CACNA1G: variants seen among roughly 807,000 people sequenced by gnomAD.
CACNA1G encodes the protein calcium voltage-gated channel subunit alpha1 G, also known as voltage-dependent T-type calcium channel subunit alpha-1G.
A neutral mutation model predicts 219.4 loss-of-function variants in CACNA1G; 67 were observed. That is an observed-to-expected ratio of 0.31 (90% CI 0.25 to 0.37). The LOEUF is 0.37. Ranked by LOEUF, CACNA1G falls within the 10% of genes least tolerant of loss-of-function variation. The probability of loss-of-function intolerance (pLI) is 1.00; values close to 1 mark genes in which losing one functional copy is unlikely to be tolerated. For synonymous variants in CACNA1G, 1,296 were observed against 1,345.3 expected, an observed-to-expected ratio of 0.96 and a Z score of 0.80; for missense variants, 2,380 against 3,231.4, an observed-to-expected ratio of 0.74 and a Z score of 6.39.
In CACNA1G at chr17:50,581,958, A is replaced by G. The variant is rs1164550912; in HGVS notation, c.2301+3394A>G. Among the ~76,000 whole-genome samples, 3 of 152,038 alleles carry G rather than the reference A, an allele frequency of 2.0e-5. No individual in the cohort carries two copies. In the East Asian group the frequency reaches 5.8e-4, roughly 29 times the overall value. On this transcript the variant is annotated intron_variant, in intron 9 of 37. Coordinates refer to ENST00000359106, the MANE Select transcript of CACNA1G (RefSeq NM_018896.5). ...TGATCTGTAGCATTTGCCAATTTCC[A>G]TGGTGTAAATGCTCCCACCATAGCT... is the stretch of plus-strand genomic sequence containing the variant.
chr17:50,593,458 G>C (rs2044797518), intron 13 of CACNA1G, among the ~76,000 whole-genome samples: 1 of 152,252 alleles, frequency 6.6e-6, no homozygotes, highest in South Asian at 2.1e-4. Flanking sequence ...CAGTCTGGAG[G>C]TGCCCAGCAC....
At position 50,594,980 on chromosome 17, in the gene CACNA1G, C is replaced by G. The variant is rs1198983888; in HGVS notation, c.2911-13C>G. 1 of 1,551,974 alleles carries G rather than the reference C, an allele frequency of 6.4e-7. No homozygotes were observed. The highest frequency in any genetic ancestry group is 2.4e-5 in the East Asian group (1 of 41,064). ...GACCAGCAGCCCTCCCCTGCCTCCC[C>G]CTTTCCCTGTAGGAAATCAGCAAAC... On this transcript the variant is annotated splice_polypyrimidine_tract_variant and intron_variant, in intron 13 of 37. Transcript: ENST00000359106.
Position 50,624,092 on chromosome 17 carries a change from A to T in CACNA1G, c.6229+17A>T, listed in dbSNP as rs369968439. ...CTCAGTCAGGTACCAGGGCTAGAGC[A>T]GGCCAATTTGGCTCACACAGGGAGA... On this transcript the variant is annotated intron_variant, in intron 36 of 37. Transcript: ENST00000359106. 3.1e-6 allele frequency: 5 copies of T among 1,604,378 alleles called. No homozygotes were observed. The African/African-American group carries it at 6.7e-5, about 21-fold the overall frequency.
At chr17:50,590,820 C>T (rs1388477997) in intron 10 of CACNA1G, among the ~76,000 whole-genome samples, 198 bp downstream of exon 10, 1 of 152,154 alleles carries the variant, frequency 6.6e-6, no homozygotes, top group Non-Finnish European at 1.5e-5. Context: ...CTTGGCCCCA[C>T]CTTGCTCCTG....
rs1424207383 is a variant in CACNA1G, at chr17:50,624,511, G to A, written c.6381G>A (p.Gln2127=). 6.3e-7 allele frequency: 1 copy of A among 1,595,710 alleles called. No homozygotes were observed. The highest frequency in any genetic ancestry group is 8.5e-7 in the Non-Finnish European group (1 of 1,171,404). The part of the protein sequence containing the change: ...LPPPGRSPLA[Q]RPLRRQAAIR... Reference sequence around the variant, plus strand: ...CACCAGGACGCTCCCCTTTGGCTCAGAGGCCACTCAGGCGCCAGGTGAGCA... The same window carrying A: ...CACCAGGACGCTCCCCTTTGGCTCAAAGGCCACTCAGGCGCCAGGTGAGCA... The change falls in exon 37 of 38, where the codon CAG becomes CAA. Residue 2127 remains glutamine (Q), a synonymous_variant. Coordinates refer to ENST00000359106, the MANE Select transcript of CACNA1G (RefSeq NM_018896.5).
intron 10 of CACNA1G, 50 bp downstream of exon 10, chr17:50,590,672 G>C: frequency 6.3e-7 from 1 of 1,580,718 alleles, no homozygotes; most frequent in South Asian, 1.1e-5. Flanking sequence ...GGTAGCAGGG[G>C]TGGCTTGGGG....
chr17:50,576,399 G>T (rs2040662136), intron 8 of CACNA1G, 73 bp downstream of exon 8: 20 of 1,436,336 alleles, frequency 1.4e-5, no homozygotes, highest in East Asian at 2.5e-5. Context: ...GGGACTAGGG[G>T]GTCTGGAGTC....
At chr17:50,606,134 C>A in intron 23 of CACNA1G, 111 bp downstream of exon 23, 1 of 1,381,518 alleles carries the variant, frequency 7.2e-7, no homozygotes, top group Non-Finnish European at 1.0e-6. Context: ...ACGAAGAGAT[C>A]AGCCCTTCAC....
Position 50,569,314 on chromosome 17 carries a change from G to C in CACNA1G, c.488+16G>C, listed in dbSNP as rs1291653783. The C allele has an allele frequency of 6.2e-7, 1 of 1,613,052 alleles. No individual in the cohort carries two copies. Among genetic ancestry groups the C allele is most frequent in the East Asian group, 2.2e-5 (1 of 44,880 alleles). ...TCATCGCAGGGTGAGGACCTGGGCTGGGGTGGGAGAGCAATGGATCAGATC... is the reference window on the plus strand; with the variant it reads ...TCATCGCAGGGTGAGGACCTGGGCTCGGGTGGGAGAGCAATGGATCAGATC... On this transcript the variant is annotated intron_variant, in intron 3 of 37. Coordinates refer to ENST00000359106, the MANE Select transcript of CACNA1G (RefSeq NM_018896.5).
At chr17:50,564,432 G>A (rs1597965602) in intron 1 of CACNA1G, among the ~76,000 whole-genome samples, 2 of 150,506 alleles carry the variant, frequency 1.3e-5, no homozygotes, top group East Asian at 2.0e-4. Flanking sequence ...GGAAATCACA[G>A]GCTGGCATTT....
intron 1 of CACNA1G, among the ~76,000 whole-genome samples, chr17:50,564,313 C>T (rs2037024092): frequency 6.6e-6 from 1 of 151,886 alleles, no homozygotes; most frequent in Non-Finnish European, 1.5e-5. Context: ...GCGCGCTCCC[C>T]TCTCGGGGAG....
chr17:50,578,130 G>T lies in CACNA1G; in HGVS notation c.1925-58G>T. 6.7e-7 allele frequency: 1 copy of T among 1,493,056 alleles called. No individual in the cohort carries two copies. The highest frequency in any genetic ancestry group is 8.9e-7 in the Non-Finnish European group (1 of 1,126,100). 92.5% of individuals were successfully genotyped at this position (1,493,056 alleles called of 1,614,324 possible). On this transcript the variant is annotated intron_variant, in intron 8 of 37. Transcript: ENST00000359106. This position sits in a 1 kb window ranked among gnomAD's most constrained non-coding sequence, Gnocchi z 4.5. ...GACTCATTTTACACATACTCACAGGGCAGGGTAGCCCCAGGTACGAGACTC... is the reference window on the plus strand; with the variant it reads ...GACTCATTTTACACATACTCACAGGTCAGGGTAGCCCCAGGTACGAGACTC...
At chr17:50,587,159 G>T (rs2043154729) in intron 9 of CACNA1G, among the ~76,000 whole-genome samples, 1 of 152,154 alleles carries the variant, frequency 6.6e-6, no homozygotes, top group African/African-American at 2.4e-5. Context: ...GGTATATGGT[G>T]GGGGCGATGT....
intron 37 of CACNA1G, 53 bp downstream of exon 37, chr17:50,624,582 C>A: frequency 6.9e-7 from 1 of 1,448,368 alleles, no homozygotes; most frequent in Non-Finnish European, 9.3e-7. Context: ...CCCTCTGCTG[C>A]TGGTGATGAC....
At chr17:50,586,631 T>C (rs2043055275) in intron 9 of CACNA1G, among the ~76,000 whole-genome samples, 2 of 152,216 alleles carry the variant, frequency 1.3e-5, no homozygotes, top group African/African-American at 2.4e-5. Flanking sequence ...CTTTGTTCTG[T>C]AGAGCAGCCT....
Position 50,561,145 on chromosome 17 carries a change from C to T in CACNA1G, c.-315C>T, listed in dbSNP as rs1030599036. 7 of 524,788 alleles carry T rather than the reference C, an allele frequency of 1.3e-5. No individual in the cohort carries two copies. The highest frequency in any genetic ancestry group is 8.1e-5 in the African/African-American group (4 of 49,556). The allele number at this position is 524,788 out of a possible 1,614,324, so 32.5% of individuals were successfully genotyped here. On this transcript the variant is annotated 5_prime_UTR_variant, in exon 1 of 38. Coordinates refer to ENST00000359106, the MANE Select transcript of CACNA1G (RefSeq NM_018896.5). ...CGAAGGTAGCGCCGAATCCGGCAAC[C>T]GGAGCCTGGGCGCGAAGCGAAGAAG...
chr17:50,602,337 T>A (rs376287229), intron 19 of CACNA1G, among the ~76,000 whole-genome samples: 6 of 152,222 alleles, frequency 3.9e-5, no homozygotes, highest in Non-Finnish European at 8.8e-5. Flanking sequence ...CTCCCTGCCC[T>A]GCCCCAGCCT....
intron 13 of CACNA1G, among the ~76,000 whole-genome samples, chr17:50,594,539 C>T (rs529019800): frequency 1.2e-3 from 178 of 152,282 alleles, no homozygotes; most frequent in Middle Eastern, 0.01. Flanking sequence ...ACTCGGGTTC[C>T]AGGCCCAGAT....
chr17:50,621,529 GC>G lies in CACNA1G; in HGVS notation c.5926-129del. On this transcript the variant is annotated intron_variant, in intron 34 of 37. Transcript: ENST00000359106. This position sits in a 1 kb window ranked among gnomAD's most constrained non-coding sequence, Gnocchi z 4.6. The stretch of plus-strand genomic sequence containing the variant: ...GAAAGGGTGGGGAGAGAGAAGGGAT[GC>G]CTTTTTCCCGCCCCCCTGTGCTTCG... 2 of 946,168 alleles carry G rather than the reference GC, an allele frequency of 2.1e-6. No homozygotes were observed. Among genetic ancestry groups the G allele is most frequent in the South Asian group, 3.2e-5 (2 of 62,438 alleles). The allele number at this position is 946,168 out of a possible 1,614,324, so 58.6% of individuals were successfully genotyped here.
Sources: allele counts gnomAD v4.1 joint callset (sites outside exome capture counted in the v4.1 genomes callset), GRCh38; gene constraint gnomAD v4.1.1; non-coding constraint Gnocchi (gnomAD v3.1); transcripts MANE v1.5; gene names NCBI Gene and HGNC (gene_info 2026-07-23, HGNC 2026-07-21).